PCDH11X: variants seen among roughly 807,000 people sequenced by gnomAD.
The protein encoded by PCDH11X is protocadherin-11 X-linked.
In PCDH11X, 18 loss-of-function variants were observed where a neutral mutation model predicts 53.3. The ratio of observed to expected loss-of-function variants is 0.34; its 90% CI spans 0.23 to 0.50. The LOEUF (loss-of-function observed/expected upper bound fraction) is 0.50. Ranked by LOEUF, PCDH11X falls within the 20% of genes least tolerant of loss-of-function variation. The pLI, the probability that PCDH11X is intolerant of heterozygous loss-of-function variation, is 0.98. For missense variants in PCDH11X, 570 were observed against 1,032.4 expected (o/e 0.55, Z 6.14); for synonymous variants, 279 against 393.3 (o/e 0.71, Z 3.44).
intron 10 of PCDH11X, among the ~76,000 whole-genome samples, chrX:92,486,823 A>G (rs1179608432): frequency 1.8e-5 from 2 of 108,661 alleles, no homozygotes; most frequent in Non-Finnish European, 3.8e-5. Flanking sequence ...TATATTAAGC[A>G]GAGGTAAGAT....
At chrX:92,203,039 G>A (rs1337177855) in intron 7 of PCDH11X, among the ~76,000 whole-genome samples, 2 of 111,021 alleles carry the variant, frequency 1.8e-5, no homozygotes, top group South Asian at 7.7e-4. Context: ...AAGAAGGGGG[G>A]TTAGAAGGCC....
chrX:92,484,169 ATATATAT>A (rs1569494515), intron 10 of PCDH11X, among the ~76,000 whole-genome samples: 9 of 38,265 alleles, frequency 2.4e-4, no homozygotes, highest in Admixed American at 3.7e-4. Context: ...GTATATATGT[ATATATAT>A]GTATGTATAT....
chrX:92,102,500 C>T (rs759700373), intron 6 of PCDH11X, among the ~76,000 whole-genome samples: 193 of 111,212 alleles, frequency 1.7e-3, no homozygotes, highest in Non-Finnish European at 2.7e-3. Context: ...ATTAATCGGA[C>T]ACGATCAGCA....
At chrX:91,910,243 C>CT (rs1941326497) in intron 6 of PCDH11X, among the ~76,000 whole-genome samples, 1 of 106,064 alleles carries the variant, frequency 9.4e-6, no homozygotes, top group African/African-American at 3.4e-5. Context: ...TAAAATTTTT[C>CT]TTTACCTGAA....
At chrX:91,969,656 G>C (rs1453850561) in intron 6 of PCDH11X, among the ~76,000 whole-genome samples, 2 of 108,418 alleles carry the variant, frequency 1.8e-5, no homozygotes, top group Non-Finnish European at 3.8e-5. Context: ...AAATTACCAG[G>C]GCGTGGTGGT....
chrX:92,231,015 A>T (rs778949490), intron 7 of PCDH11X, among the ~76,000 whole-genome samples: 6 of 111,491 alleles, frequency 5.4e-5, no homozygotes, highest in African/African-American at 9.8e-5. Context: ...GGGAATTAGC[A>T]GTAAAATCAC....
At chrX:92,408,052 T>C (rs2071561448) in intron 9 of PCDH11X, among the ~76,000 whole-genome samples, 1 of 110,095 alleles carries the variant, frequency 9.1e-6, no homozygotes, top group Admixed American at 9.7e-5. Context: ...GCCAGGCTAA[T>C]TTTTGTATTT....
intron 6 of PCDH11X, among the ~76,000 whole-genome samples, chrX:92,200,244 A>G (rs2066367010): frequency 9.0e-6 from 1 of 111,202 alleles, no homozygotes; most frequent in Admixed American, 9.7e-5. Flanking sequence ...ATTCCAGGTA[A>G]AAGGGCTATT....
At chrX:91,941,264 A>G (rs1187514147) in intron 6 of PCDH11X, among the ~76,000 whole-genome samples, 1 of 111,590 alleles carries the variant, frequency 9.0e-6, no homozygotes, top group Non-Finnish European at 1.9e-5. Flanking sequence ...TAAACAGTCT[A>G]AACACCTCAA....
At chrX:92,557,640 C>T (rs1313022432) in intron 10 of PCDH11X, among the ~76,000 whole-genome samples, 3 of 109,093 alleles carry the variant, frequency 2.7e-5, no homozygotes, top group Non-Finnish European at 5.7e-5. Flanking sequence ...CTGAGCCCTC[C>T]AAGCCTCTAT....
chrX:92,332,633 A>G (rs763268752), intron 8 of PCDH11X, among the ~76,000 whole-genome samples: 114 of 112,439 alleles, frequency 1.0e-3, no homozygotes, highest in African/African-American at 3.6e-3. Flanking sequence ...ACTTATCCTT[A>G]CCATATGCTT....
intron 4 of PCDH11X, among the ~76,000 whole-genome samples, chrX:91,828,433 G>A (rs112838685): frequency 0.021 from 2,327 of 111,204 alleles, 59 homozygotes; most frequent in African/African-American, 0.072. Flanking sequence ...CTGAAGATTC[G>A]AAATATGGCT....
intron 8 of PCDH11X, among the ~76,000 whole-genome samples, chrX:92,375,166 A>ATATATATATAT (rs1302181048): frequency 3.6e-4 from 3 of 8,264 alleles, no homozygotes; most frequent in East Asian, 3.1e-3. Flanking sequence ...ATATATATAT[A>ATATATATATAT]TTTTTTTTTT....
chrX:92,304,297 G>A (rs1202059412), intron 8 of PCDH11X, among the ~76,000 whole-genome samples: 7 of 110,688 alleles, frequency 6.3e-5, no homozygotes, highest in Non-Finnish European at 1.1e-4. Context: ...TATAAAAATG[G>A]TTATCTTGCC....
At chrX:92,127,449 T>C (rs1320357070) in intron 6 of PCDH11X, among the ~76,000 whole-genome samples, 1 of 110,943 alleles carries the variant, frequency 9.0e-6, no homozygotes, top group Non-Finnish European at 1.9e-5. Context: ...CTTTTTGAAA[T>C]TCGTCAGGGT....
intron 5 of PCDH11X, among the ~76,000 whole-genome samples, chrX:91,847,330 G>A (rs978471497): frequency 9.0e-6 from 1 of 110,507 alleles, no homozygotes; most frequent in East Asian, 2.8e-4. Context: ...CAGGCCCAAC[G>A]TTTTTTGTAC....
chrX:91,969,446 A>G (rs1428617836), intron 6 of PCDH11X, among the ~76,000 whole-genome samples: 2 of 108,685 alleles, frequency 1.8e-5, no homozygotes, highest in African/African-American at 3.4e-5. Context: ...TCACATTAGT[A>G]AAATTCAAGA....
chrX:91,931,562 CTA>C (rs1438529154), intron 6 of PCDH11X, among the ~76,000 whole-genome samples: 4 of 111,106 alleles, frequency 3.6e-5, no homozygotes, highest in African/African-American at 1.3e-4. Flanking sequence ...GAAGGTTACA[CTA>C]TGTGAATTCT....
intron 6 of PCDH11X, among the ~76,000 whole-genome samples, chrX:92,077,873 C>T (rs2063799514): frequency 9.1e-6 from 1 of 109,972 alleles, no homozygotes; most frequent in Non-Finnish European, 1.9e-5. Flanking sequence ...CCTCCCAAAA[C>T]TTAAATGAAT....
Sources: gnomAD v4.1 joint callset for allele counts (sites outside exome capture counted in the v4.1 genomes callset) on GRCh38, gnomAD v4.1.1 for gene constraint, MANE v1.5 for transcripts, NCBI Gene and HGNC (gene_info 2026-07-23, HGNC 2026-07-21) for gene names.